ABL1: variants seen among roughly 807,000 people sequenced by gnomAD.
ABL1 encodes tyrosine-protein kinase ABL1.
In ABL1, 11 loss-of-function variants were observed where a neutral mutation model predicts 94.7. That is an observed-to-expected ratio of 0.12 (90% CI 0.07 to 0.19). The LOEUF is 0.19. ABL1 is among the 10% of genes least tolerant of loss of function. The probability of loss-of-function intolerance (pLI) is 1.00; values close to 1 mark genes in which losing one functional copy is unlikely to be tolerated. For missense variants in ABL1, 1,082 were observed against 1,489.4 expected, an observed-to-expected ratio of 0.73 and a Z score of 4.50; for synonymous variants, 656 against 622.4, an observed-to-expected ratio of 1.05 and a Z score of -0.80.
intron 1 of ABL1, among the ~76,000 whole-genome samples, chr9:130,804,640 T>G (rs1451060470): frequency 6.6e-6 from 1 of 152,220 alleles, no homozygotes; most frequent in Non-Finnish European, 1.5e-5. Flanking sequence ...TTTATTACAA[T>G]TTCTTTCAAT....
intron 1 of ABL1, among the ~76,000 whole-genome samples, chr9:130,843,000 A>G (rs1332860015): frequency 6.6e-6 from 1 of 152,202 alleles, no homozygotes; most frequent in Non-Finnish European, 1.5e-5. Flanking sequence ...AAAACAAATC[A>G]TTATGTTCCC....
At chr9:130,723,480 G>T (rs952894759) in intron 1 of ABL1, among the ~76,000 whole-genome samples, 1 of 152,184 alleles carries the variant, frequency 6.6e-6, no homozygotes, top group African/African-American at 2.4e-5. Flanking sequence ...AGGAGTTCGA[G>T]GCTGAAGCAA....
At chr9:130,758,991 GCTTTGGAACCT>G (rs1832076382) in intron 1 of ABL1, among the ~76,000 whole-genome samples, 1 of 152,156 alleles carries the variant, frequency 6.6e-6, no homozygotes, top group African/African-American at 2.4e-5. Context: ...TTTGGGAAGT[GCTTTGGAACCT>G]CTTTCGGTCC....
Position 130,862,906 on chromosome 9 carries a change from C to T in ABL1, c.693C>T (p.Asn231=), listed in dbSNP as rs1389961043. 1 of 1,614,210 alleles carries T rather than the reference C, an allele frequency of 6.2e-7. No individual in the cohort carries two copies. The highest frequency in any genetic ancestry group is 1.7e-5 in the Admixed American group (1 of 60,032). ...CCACTGTCTATGGTGTGTCCCCCAA[C>T]TACGACAAGTGGGAGATGGAACGCA... is the stretch of plus-strand genomic sequence containing the variant. ...NKPTVYGVSP[N]YDKWEMERTD... Residue 231 remains asparagine (N), a synonymous_variant, in exon 4 of 11, where the codon AAC becomes AAT. Coordinates refer to ENST00000318560, the MANE Select transcript of ABL1 (RefSeq NM_005157.6). This position sits in a 1 kb window ranked among gnomAD's most constrained non-coding sequence, Gnocchi z 5.5.
chr9:130,792,013 A>G (rs1829914250), intron 1 of ABL1, among the ~76,000 whole-genome samples: 1 of 152,196 alleles, frequency 6.6e-6, no homozygotes, highest in South Asian at 2.1e-4. Flanking sequence ...AGACAACATT[A>G]AGTTGATCCA....
intron 1 of ABL1, chr9:130,714,535 ACTTGCGACAGTTC>A: frequency 6.4e-7 from 1 of 1,560,330 alleles, no homozygotes; most frequent in Non-Finnish European, 8.8e-7. Flanking sequence ...GAACAACAGT[ACTTGCGACAGTTC>A]CTTCCAATTC....
At chr9:130,797,192 C>T (rs973276428) in intron 1 of ABL1, among the ~76,000 whole-genome samples, 4 of 131,296 alleles carry the variant, frequency 3.0e-5, no homozygotes, top group Admixed American at 8.8e-5. Flanking sequence ...GCCGAGATCG[C>T]GCCACTGCAT....
At chr9:130,871,479 T>C (rs992586909) in intron 4 of ABL1, among the ~76,000 whole-genome samples, 2 of 152,204 alleles carry the variant, frequency 1.3e-5, no homozygotes, top group East Asian at 1.9e-4. Context: ...ATGATCCTTA[T>C]GAATTTGTTG....
At chr9:130,772,477 G>A (rs1382882543) in intron 1 of ABL1, among the ~76,000 whole-genome samples, 1 of 152,224 alleles carries the variant, frequency 6.6e-6, no homozygotes, top group Non-Finnish European at 1.5e-5. Flanking sequence ...GTTGACGTTA[G>A]TAATAGACAT....
At chr9:130,868,326 G>A (rs1439890500) in intron 4 of ABL1, among the ~76,000 whole-genome samples, 1 of 152,030 alleles carries the variant, frequency 6.6e-6, no homozygotes, top group East Asian at 1.9e-4. Context: ...TGGAAATAAG[G>A]ATAATCCCTG....
intron 1 of ABL1, among the ~76,000 whole-genome samples, chr9:130,751,806 G>A (rs1471236309): frequency 2.6e-5 from 4 of 152,308 alleles, no homozygotes; most frequent in East Asian, 1.9e-4. Flanking sequence ...CCACAGCAAC[G>A]GCAGAAGCAA....
intron 1 of ABL1, among the ~76,000 whole-genome samples, chr9:130,727,054 A>G (rs7024632): frequency 0.53 from 79,911 of 152,078 alleles, 22,642 homozygotes; most frequent in African/African-American, 0.74. Context: ...GACATTTACC[A>G]AGACTAATTT....
chr9:130,790,329 G>A (rs1399936579), intron 1 of ABL1, among the ~76,000 whole-genome samples: 2 of 152,192 alleles, frequency 1.3e-5, no homozygotes, highest in Admixed American at 1.3e-4. Flanking sequence ...CATGCTGTGA[G>A]GGGCCTCATG....
intron 1 of ABL1, among the ~76,000 whole-genome samples, chr9:130,820,001 A>G (rs922291278): frequency 6.6e-6 from 1 of 151,094 alleles, no homozygotes; most frequent in African/African-American, 2.4e-5. Context: ...GCTTCTCTAT[A>G]CCCTATCTTT....
chr9:130,751,735 G>A (rs1443793909), intron 1 of ABL1, among the ~76,000 whole-genome samples: 1 of 152,200 alleles, frequency 6.6e-6, no homozygotes, highest in Non-Finnish European at 1.5e-5. Flanking sequence ...TGAAGCCAGT[G>A]CCTGGACACA....
chr9:130,827,470 C>T (rs1830440561), intron 1 of ABL1, among the ~76,000 whole-genome samples: 2 of 152,144 alleles, frequency 1.3e-5, no homozygotes, highest in South Asian at 4.1e-4. Flanking sequence ...GAGTGAGTGG[C>T]CTGCCAAATC....
intron 1 of ABL1, among the ~76,000 whole-genome samples, chr9:130,752,101 T>A (rs980679858): frequency 5.3e-5 from 8 of 152,210 alleles, no homozygotes; most frequent in Non-Finnish European, 1.2e-4. Context: ...CACTTGGGAA[T>A]GTGCACCAGA....
At chr9:130,871,647 A>G (rs959445375) in intron 4 of ABL1, among the ~76,000 whole-genome samples, 1 of 152,214 alleles carries the variant, frequency 6.6e-6, no homozygotes, top group African/African-American at 2.4e-5. Flanking sequence ...TTGTGATGCA[A>G]TACCTCTTTC....
chr9:130,885,761 G>T lies in ABL1; in HGVS notation c.*78G>T. The T allele has an allele frequency of 6.6e-7, 1 of 1,507,912 alleles. No individual in the cohort carries two copies. 93.4% of individuals were successfully genotyped at this position (1,507,912 alleles called of 1,614,324 possible). On this transcript the variant is annotated 3_prime_UTR_variant, in exon 11 of 11. Coordinates refer to ENST00000318560, the MANE Select transcript of ABL1 (RefSeq NM_005157.6). ...GGGCTCGCCCATACCCGTGACAGTGGCTGACAAGGGACTAGTGAGTCAGCA... is the reference window on the plus strand; with the variant it reads ...GGGCTCGCCCATACCCGTGACAGTGTCTGACAAGGGACTAGTGAGTCAGCA...
Sources: allele counts gnomAD v4.1 joint callset (sites outside exome capture counted in the v4.1 genomes callset), GRCh38; gene constraint gnomAD v4.1.1; non-coding constraint Gnocchi (gnomAD v3.1); transcripts MANE v1.5; gene names NCBI Gene and HGNC (gene_info 2026-07-23, HGNC 2026-07-21).